The following ANKRD55 variants were observed in gnomAD, a reference collection of about 807,000 sequenced individuals.
ANKRD55 encodes the protein ankyrin repeat domain-containing protein 55.
A neutral mutation model predicts 60.6 loss-of-function variants in ANKRD55; 41 were observed. The ratio of observed to expected loss-of-function variants is 0.68; its 90% CI spans 0.53 to 0.88. The LOEUF (loss-of-function observed/expected upper bound fraction) is 0.88, where lower values mean the gene tolerates loss of function less well. Among genes scored for constraint, ANKRD55 ranks in the 40% least tolerant of loss-of-function variants. The pLI, the probability that ANKRD55 is intolerant of heterozygous loss-of-function variation, is 0.00. For missense variants in ANKRD55, 732 were observed against 767.6 expected (o/e 0.95, Z 0.55); for synonymous variants, 264 against 290.3 (o/e 0.91, Z 0.92).
At chr5:56,159,922 C>G in intron 5 of ANKRD55, 29 bp from the exon 6 acceptor site, 1 of 1,604,698 alleles carries the variant, frequency 6.2e-7, no homozygotes, top group Non-Finnish European at 8.5e-7. Flanking sequence ...AGAAATGGCT[C>G]AAAATAACAG....
intron 2 of ANKRD55, among the ~76,000 whole-genome samples, chr5:56,196,076 A>G (rs1759221218): frequency 6.6e-6 from 1 of 152,224 alleles, no homozygotes; most frequent in African/African-American, 2.4e-5. Flanking sequence ...CCTGGGCTCT[A>G]GAGTCAGACT....
chr5:56,219,992 A>G (rs953477494), intron 2 of ANKRD55, among the ~76,000 whole-genome samples: 8 of 152,210 alleles, frequency 5.3e-5, no homozygotes, highest in African/African-American at 1.9e-4. Flanking sequence ...AGTAGAGATG[A>G]CAGGAAGAGC....
chr5:56,135,301 T>TGC (rs1757550670), intron 7 of ANKRD55, among the ~76,000 whole-genome samples: 1 of 6,854 alleles, frequency 1.5e-4, no homozygotes, highest in South Asian at 4.3e-3. Context: ...CTTGCTTTCT[T>TGC]TCTTTCTTTC....
At chr5:56,143,725 T>C (rs1757826779) in intron 7 of ANKRD55, 76 bp downstream of exon 7, 15 of 1,589,426 alleles carry the variant, frequency 9.4e-6, no homozygotes, top group Middle Eastern at 3.6e-4. Context: ...TCTTTAAAGT[T>C]TGACCTACTC....
At chr5:56,100,806 C>T (rs74645706) in intron 11 of ANKRD55, among the ~76,000 whole-genome samples, 57 of 152,240 alleles carry the variant, frequency 3.7e-4, no homozygotes, top group African/African-American at 1.3e-3. Flanking sequence ...GCTCTTGGGC[C>T]CTGCCAAAGA....
intron 2 of ANKRD55, among the ~76,000 whole-genome samples, chr5:56,206,781 C>T (rs1759521423): frequency 6.6e-6 from 1 of 152,148 alleles, no homozygotes; most frequent in Non-Finnish European, 1.5e-5. Flanking sequence ...GAGGAGAAGG[C>T]AAAGTGGTTG....
intron 7 of ANKRD55, among the ~76,000 whole-genome samples, chr5:56,130,105 A>G (rs566072374): frequency 1.6e-4 from 25 of 152,238 alleles, no homozygotes; most frequent in Non-Finnish European, 3.7e-4. Flanking sequence ...CCTGGACTCC[A>G]GAGGCTGCCA....
At chr5:56,131,864 ACT>A (rs565647220) in intron 7 of ANKRD55, among the ~76,000 whole-genome samples, 75 of 150,910 alleles carry the variant, frequency 5.0e-4, no homozygotes, top group African/African-American at 1.7e-3. Context: ...TAGGCCAGAA[ACT>A]CTGATTTACG....
intron 10 of ANKRD55, among the ~76,000 whole-genome samples, chr5:56,110,264 C>T (rs977686967): frequency 1.3e-5 from 2 of 150,484 alleles, no homozygotes; most frequent in Admixed American, 6.6e-5. Context: ...CCAGATGTAG[C>T]AGTGCGCAAC....
At chr5:56,152,929 A>C (rs1196903078) in intron 6 of ANKRD55, among the ~76,000 whole-genome samples, 28 of 152,162 alleles carry the variant, frequency 1.8e-4, no homozygotes. Context: ...AGAAACAGAC[A>C]AGAATGATCA....
At chr5:56,218,712 A>C (rs184687524) in intron 2 of ANKRD55, among the ~76,000 whole-genome samples, 1 of 152,260 alleles carries the variant, frequency 6.6e-6, no homozygotes, top group Admixed American at 6.5e-5. Flanking sequence ...TGTATCCCCA[A>C]GGTATACCTG....
intron 2 of ANKRD55, among the ~76,000 whole-genome samples, chr5:56,201,732 G>A (rs1759385425): frequency 6.6e-6 from 1 of 152,086 alleles, no homozygotes; most frequent in African/African-American, 2.4e-5. Context: ...TTAATTAGTG[G>A]GGTGATTCCT....
intron 3 of ANKRD55, 80 bp from the exon 4 acceptor site, chr5:56,176,362 T>A: frequency 6.5e-7 from 1 of 1,548,610 alleles, no homozygotes; most frequent in Non-Finnish European, 8.9e-7. Flanking sequence ...CCTGTTCATT[T>A]ATTTTGCTAT....
At chr5:56,162,038 G>A in intron 5 of ANKRD55, 1 of 985,174 alleles carries the variant, frequency 1.0e-6, no homozygotes, top group Non-Finnish European at 1.2e-6. Context: ...GCTCATTATT[G>A]GCCATTGTTT....
chr5:56,223,893 C>T (rs537883137), intron 2 of ANKRD55, among the ~76,000 whole-genome samples: 2 of 152,146 alleles, frequency 1.3e-5, no homozygotes, highest in Admixed American at 6.5e-5. Flanking sequence ...TAATGGGAGA[C>T]TTTAACACCC....
chr5:56,111,517 A>C lies in ANKRD55; in HGVS notation c.1231T>G (p.Ser411Ala). Residue 411 changes from serine to alanine, a missense_variant, in exon 10 of 12, where the codon TCA (serine) becomes GCA (alanine). Physicochemically the swap from Ser to Ala is moderately conservative, Grantham distance 99. Around this residue, in one of 3 missense-constraint regions of ANKRD55, gnomAD observed 597 missense variants for 607.5 expected, o/e 0.98. Coordinates refer to ENST00000341048, the MANE Select transcript of ANKRD55 (RefSeq NM_024669.3). The part of the protein sequence containing the change: ...VAMVEFKKKT[S>A]DNSKYLLPEK... ...GGTAAGAGATATTTTGAATTGTCTG[A>C]GGTTTTCTTCTTAAATTCAACCATA... The C allele has an allele frequency of 1.2e-6, 2 of 1,614,090 alleles. No individual in the cohort carries two copies. The highest frequency in any genetic ancestry group is 1.7e-6 in the Non-Finnish European group (2 of 1,180,028).
chr5:56,168,801 G>A (rs1758542852), intron 5 of ANKRD55, among the ~76,000 whole-genome samples: 1 of 152,218 alleles, frequency 6.6e-6, no homozygotes, highest in Admixed American at 6.5e-5. Flanking sequence ...TCCCTGAATT[G>A]CCATGTGGCA....
chr5:56,204,339 A>G (rs1359133555), intron 2 of ANKRD55, among the ~76,000 whole-genome samples: 1 of 152,024 alleles, frequency 6.6e-6, no homozygotes, highest in Non-Finnish European at 1.5e-5. Flanking sequence ...ATTAGATCCC[A>G]TTTGTCAATT....
chr5:56,168,801 GCCATGTGGCAGGGAGCCA>G (rs974553743), intron 5 of ANKRD55, among the ~76,000 whole-genome samples: 10 of 152,218 alleles, frequency 6.6e-5, no homozygotes, highest in Non-Finnish European at 1.2e-4. Flanking sequence ...TCCCTGAATT[GCCATGTGGCAGGGAGCCA>G]CCTACCACCC....
Sources: allele counts gnomAD v4.1 joint callset (sites outside exome capture counted in the v4.1 genomes callset), GRCh38; gene constraint gnomAD v4.1.1; regional missense constraint gnomAD v4.1.1; transcripts MANE v1.5; gene names NCBI Gene and HGNC (gene_info 2026-07-23, HGNC 2026-07-21).